The following NR5A2 variants were observed in gnomAD, a reference collection of about 807,000 sequenced individuals.
The protein encoded by NR5A2 is CYP7A promoter-binding factor.
NR5A2 carries 26 observed loss-of-function variants against 62.7 expected under a neutral mutation model. The observed-to-expected ratio is 0.41, with a 90% CI of 0.30 to 0.58. The LOEUF (loss-of-function observed/expected upper bound fraction) is 0.58. Among genes scored for constraint, NR5A2 ranks in the 20% least tolerant of loss-of-function variants. The probability of loss-of-function intolerance (pLI) is 0.22; values close to 1 mark genes in which losing one functional copy is unlikely to be tolerated. For missense variants in NR5A2, 541 were observed against 669.1 expected, an observed-to-expected ratio of 0.81 and a Z score of 2.11; for synonymous variants, 246 against 241.7, an observed-to-expected ratio of 1.02 and a Z score of -0.16.
chr1:200,146,602 A>G (rs1021143452), intron 7 of NR5A2, among the ~76,000 whole-genome samples: 1 of 152,238 alleles, frequency 6.6e-6, no homozygotes, highest in Non-Finnish European at 1.5e-5. Context: ...TGCATTTTAA[A>G]CATTAAATAA....
At chr1:200,082,468 A>AC in intron 5 of NR5A2, among the ~76,000 whole-genome samples, 1 of 152,284 alleles carries the variant, frequency 6.6e-6, no homozygotes, top group East Asian at 1.9e-4. Context: ...TATTTGGTTC[A>AC]CGTTTTTCAT....
intron 7 of NR5A2, among the ~76,000 whole-genome samples, chr1:200,154,761 G>A (rs1057430145): frequency 2.0e-5 from 3 of 152,196 alleles, no homozygotes; most frequent in African/African-American, 4.8e-5. Context: ...TTTAGGAAGG[G>A]TCTTCTAGAG....
intron 5 of NR5A2, among the ~76,000 whole-genome samples, chr1:200,053,587 A>G (rs1000910870): frequency 2.6e-5 from 4 of 151,522 alleles, no homozygotes; most frequent in African/African-American, 9.7e-5. Flanking sequence ...ACACACACAC[A>G]CACACACACA....
chr1:200,099,236 G>A (rs1012566677), intron 5 of NR5A2, among the ~76,000 whole-genome samples: 1 of 152,096 alleles, frequency 6.6e-6, no homozygotes, highest in Non-Finnish European at 1.5e-5. Flanking sequence ...TGTACTTTTG[G>A]TGAGTAATAT....
chr1:200,034,428 C>T (rs1015435477), intron 1 of NR5A2, among the ~76,000 whole-genome samples: 1 of 152,138 alleles, frequency 6.6e-6, no homozygotes, highest in African/African-American at 2.4e-5. Context: ...CCGACTATAC[C>T]CTGGCGGGGC....
At chr1:200,095,336 A>G (rs933233157) in intron 5 of NR5A2, among the ~76,000 whole-genome samples, 3 of 152,026 alleles carry the variant, frequency 2.0e-5, no homozygotes, top group Non-Finnish European at 4.4e-5. Context: ...CCTCAGTTTG[A>G]ACTGCTGTGT....
intron 7 of NR5A2, among the ~76,000 whole-genome samples, chr1:200,137,297 C>T (rs951812208): frequency 4.0e-5 from 6 of 151,550 alleles, no homozygotes; most frequent in African/African-American, 1.2e-4. Flanking sequence ...ATTACAGGTG[C>T]ACACCACCAC....
At chr1:200,136,296 G>A (rs527638719) in intron 7 of NR5A2, among the ~76,000 whole-genome samples, 39 of 151,810 alleles carry the variant, frequency 2.6e-4, no homozygotes, top group African/African-American at 8.7e-4. Flanking sequence ...TCTGCTCACC[G>A]CAACCTCCGC....
intron 7 of NR5A2, among the ~76,000 whole-genome samples, chr1:200,163,286 A>C (rs1376651558): frequency 6.6e-6 from 1 of 151,066 alleles, no homozygotes; most frequent in Non-Finnish European, 1.5e-5. Flanking sequence ...AAAAAGAAGA[A>C]GAAAGAAAAG....
intron 5 of NR5A2, among the ~76,000 whole-genome samples, chr1:200,107,941 G>T (rs1344656663): frequency 6.6e-6 from 1 of 151,836 alleles, no homozygotes; most frequent in African/African-American, 2.4e-5. Flanking sequence ...TCAGATTGTT[G>T]TCTTACAATT....
At chr1:200,113,526 C>G (rs1571500108) in intron 6 of NR5A2, among the ~76,000 whole-genome samples, 2 of 152,216 alleles carry the variant, frequency 1.3e-5, no homozygotes, top group Non-Finnish European at 2.9e-5. Flanking sequence ...CCTGTAACCT[C>G]TCTATCAGAA....
intron 5 of NR5A2, among the ~76,000 whole-genome samples, chr1:200,076,677 G>C (rs527831259): frequency 2.0e-5 from 3 of 152,248 alleles, no homozygotes; most frequent in African/African-American, 4.8e-5. Context: ...TTCAGATTTA[G>C]TGTTTTAACT....
chr1:200,157,735 A>G (rs1483814345), intron 7 of NR5A2, among the ~76,000 whole-genome samples: 1 of 152,242 alleles, frequency 6.6e-6, no homozygotes, highest in Non-Finnish European at 1.5e-5. Context: ...TTGTTAGGCA[A>G]CTAGTTTCCC....
chr1:200,145,319 T>A (rs577093332), intron 7 of NR5A2, among the ~76,000 whole-genome samples: 96 of 152,162 alleles, frequency 6.3e-4, no homozygotes, highest in African/African-American at 2.0e-3. Context: ...AAAAAAAATT[T>A]TTTTTAGAAC....
At chr1:200,069,412 C>T (rs1489497376) in intron 5 of NR5A2, among the ~76,000 whole-genome samples, 1 of 152,056 alleles carries the variant, frequency 6.6e-6, no homozygotes, top group Non-Finnish European at 1.5e-5. Flanking sequence ...AGGCATGCAC[C>T]ACCATGCTTG....
chr1:200,100,115 T>C lies in NR5A2; in HGVS notation c.1111-11087T>C, dbSNP rs562863127. Among the ~76,000 whole-genome samples the C allele has an allele frequency of 5.3e-5, 8 of 152,326 alleles. No individual in the cohort carries two copies. In the South Asian group the frequency reaches 1.7e-3, roughly 32 times the overall value. ...CTGCCAGGTTAGACATGTGAGAACA[T>C]TGCTTTAATTATACATAAGAGATTT... On this transcript the variant is annotated intron_variant, in intron 5 of 7. Transcript: ENST00000367362.
chr1:200,119,847 G>A (rs1309424238), intron 6 of NR5A2, among the ~76,000 whole-genome samples: 2 of 151,708 alleles, frequency 1.3e-5, no homozygotes, highest in Non-Finnish European at 2.9e-5. Flanking sequence ...GGCCTCAAGC[G>A]ATCCGCCCAC....
chr1:200,112,340 A>G (rs1665992131), intron 6 of NR5A2, among the ~76,000 whole-genome samples: 1 of 152,196 alleles, frequency 6.6e-6, no homozygotes, highest in African/African-American at 2.4e-5. Context: ...CCGTTCTACA[A>G]CTGATGTGCT....
At chr1:200,115,428 G>C (rs1666170796) in intron 6 of NR5A2, among the ~76,000 whole-genome samples, 2 of 152,300 alleles carry the variant, frequency 1.3e-5, no homozygotes, top group African/African-American at 4.8e-5. Context: ...TTGAGGCCAT[G>C]TTGTTGATAT....
Sources: allele counts gnomAD v4.1 joint callset (sites outside exome capture counted in the v4.1 genomes callset), GRCh38; gene constraint gnomAD v4.1.1; transcripts MANE v1.5; gene names NCBI Gene and HGNC (gene_info 2026-07-23, HGNC 2026-07-21).